The following TMEM184B variants were observed in gnomAD, a reference collection of about 807,000 sequenced individuals.
TMEM184B encodes transmembrane protein 184B, also known as putative MAPK-activating protein FM08.
A neutral mutation model predicts 41.8 loss-of-function variants in TMEM184B; 17 were observed. The ratio of observed to expected loss-of-function variants is 0.41; its 90% confidence interval spans 0.28 to 0.61. TMEM184B has a LOEUF of 0.61. Ranked by LOEUF, TMEM184B falls within the 20% of genes least tolerant of loss-of-function variation. The pLI, the probability that TMEM184B is intolerant of heterozygous loss-of-function variation, is 0.34. For missense variants in TMEM184B, 393 were observed against 557.8 expected, an observed-to-expected ratio of 0.70 and a Z score of 2.98; for synonymous variants, 240 against 229.5, an observed-to-expected ratio of 1.05 and a Z score of -0.41.
At position 38,221,144 on chromosome 22, in the gene TMEM184B, A is replaced by G; in HGVS notation, c.*325T>C. The G allele has an allele frequency of 3.4e-6, 4 of 1,174,570 alleles. No individual in the cohort carries two copies. The African/African-American group carries it at 6.4e-5, about 19-fold the overall frequency. 72.8% of individuals were successfully genotyped at this position (1,174,570 alleles called of 1,614,324 possible). ...TAGAAGGCTGCAGCCGCTGGTCCAC[A>G]CACAAGCATTGGGGCCTGGGTGCGG... On this transcript the variant is annotated 3_prime_UTR_variant, in exon 9 of 9. Coordinates refer to ENST00000361906, the MANE Select transcript of TMEM184B (RefSeq NM_012264.5).
chr22:38,222,825 A>AC (rs2091299609), intron 8 of TMEM184B: 2 of 566,678 alleles, frequency 3.5e-6, no homozygotes, highest in Non-Finnish European at 4.5e-6. Flanking sequence ...CCCAGGCCCC[A>AC]CAGGGCACCC....
At position 38,221,457 on chromosome 22, in the gene TMEM184B, T is replaced by C; in HGVS notation, c.*12A>G. 2 of 1,589,082 alleles carry C rather than the reference T, an allele frequency of 1.3e-6. No homozygotes were observed. The highest frequency in any genetic ancestry group is 1.7e-6 in the Non-Finnish European group (2 of 1,166,362). ...GCTATGGCGCCAGCACTTCCGCCAC[T>C]GCAGCCCGCACCTAGAATTCATCAT... is the stretch of plus-strand genomic sequence containing the variant. On this transcript the variant is annotated 3_prime_UTR_variant, in exon 9 of 9. Transcript: ENST00000361906.
Position 38,221,313 on chromosome 22 carries a change from G to GT in TMEM184B, c.*155dup. ...CCATGGGCGAGCCTGGCTGTCCCCC[G>GT]TTCCTCTGGAAGTGACATGTGAGTG... On this transcript the variant is annotated 3_prime_UTR_variant, in exon 9 of 9. Transcript: ENST00000361906. 3.5e-6 allele frequency: 5 copies of GT among 1,436,466 alleles called. No homozygotes were observed. Among genetic ancestry groups the GT allele is most frequent in the Non-Finnish European group, 4.5e-6 (5 of 1,100,076 alleles). 89.0% of individuals were successfully genotyped at this position (1,436,466 alleles called of 1,614,324 possible).
chr22:38,259,129 T>C (rs2092330267), intron 1 of TMEM184B, among the ~76,000 whole-genome samples: 1 of 152,192 alleles, frequency 6.6e-6, no homozygotes, highest in South Asian at 2.1e-4. Flanking sequence ...TACGCAGCTA[T>C]GTCGTCACTG....
chr22:38,252,330 G>T (rs1213302430), intron 1 of TMEM184B, among the ~76,000 whole-genome samples: 1 of 152,136 alleles, frequency 6.6e-6, no homozygotes, highest in Non-Finnish European at 1.5e-5. Context: ...CAAAGTGCTG[G>T]GATTACAGGC....
In TMEM184B at chr22:38,234,612, G is replaced by A. The variant is rs774341575; in HGVS notation, c.359-3278C>T. ...AAACCATGACTGAAGCTCCTGGGAC[G>A]TGCTGTGATCACTCACGCCTGCATG... On this transcript the variant is annotated intron_variant, in intron 3 of 8. Transcript: ENST00000361906. Among the ~76,000 whole-genome samples, 23 of 148,934 alleles carry A rather than the reference G, an allele frequency of 1.5e-4. No individual in the cohort carries two copies. The Middle Eastern group carries it at 0.01, about 66-fold the overall frequency.
At chr22:38,224,692 G>A (rs547224907) in intron 8 of TMEM184B, 93 bp downstream of exon 8, 108 of 1,316,452 alleles carry the variant, frequency 8.2e-5, no homozygotes, top group African/African-American at 7.9e-4. Context: ...TGACCCAGCC[G>A]CACCTGTAGG....
At chr22:38,227,728 C>T (rs76209490) in intron 5 of TMEM184B, among the ~76,000 whole-genome samples, 3,924 of 152,224 alleles carry the variant, frequency 0.026, 191 homozygotes, top group African/African-American at 0.09. Context: ...CTCCCCACAC[C>T]ACAGGGCCAC....
chr22:38,266,541 T>A (rs984424995), intron 1 of TMEM184B, among the ~76,000 whole-genome samples: 3 of 152,262 alleles, frequency 2.0e-5, no homozygotes, highest in Non-Finnish European at 4.4e-5. Context: ...ACCTCATCTT[T>A]CCTGCAGAGA....
At chr22:38,243,478 G>A (rs746848912) in intron 3 of TMEM184B, among the ~76,000 whole-genome samples, 86 of 152,198 alleles carry the variant, frequency 5.7e-4, no homozygotes, top group Non-Finnish European at 4.1e-4. Context: ...GTGGGCAGAG[G>A]CTGCCCCTGG....
chr22:38,240,269 C>A (rs1225521960), intron 3 of TMEM184B, among the ~76,000 whole-genome samples: 2 of 151,892 alleles, frequency 1.3e-5, no homozygotes, highest in African/African-American at 4.8e-5. Flanking sequence ...AAAAACAATA[C>A]TCTCTCACGT....
intron 3 of TMEM184B, among the ~76,000 whole-genome samples, chr22:38,244,768 CT>C (rs1407549156): frequency 1.3e-5 from 2 of 152,176 alleles, no homozygotes; most frequent in African/African-American, 4.8e-5. Flanking sequence ...ATGCAGGGGT[CT>C]TGAGGAACCC....
chr22:38,236,228 A>C (rs2145628749), intron 3 of TMEM184B, among the ~76,000 whole-genome samples: 1 of 151,400 alleles, frequency 6.6e-6, no homozygotes, highest in South Asian at 2.1e-4. Flanking sequence ...TCCGCTCCCC[A>C]CCCCCATGCC....
chr22:38,246,179 C>A, intron 2 of TMEM184B, 79 bp from the exon 3 acceptor site: 1 of 1,531,870 alleles, frequency 6.5e-7, no homozygotes, highest in Non-Finnish European at 8.8e-7. Flanking sequence ...CCAGCTCTGC[C>A]ACCGACTCAT....
chr22:38,268,850 G>A (rs1454639845), intron 1 of TMEM184B, among the ~76,000 whole-genome samples: 1 of 152,256 alleles, frequency 6.6e-6, no homozygotes, highest in Non-Finnish European at 1.5e-5. Flanking sequence ...CGGCTCCTGA[G>A]GGCGGCTCCC....
intron 8 of TMEM184B, chr22:38,221,924 A>C: frequency 1.5e-6 from 1 of 682,458 alleles, no homozygotes; most frequent in Non-Finnish European, 2.4e-6. Context: ...GGGAGGCTGG[A>C]CTGTGAAGAG....
At chr22:38,268,561 T>C (rs2092476903) in intron 1 of TMEM184B, among the ~76,000 whole-genome samples, 1 of 152,142 alleles carries the variant, frequency 6.6e-6, no homozygotes, top group African/African-American at 2.4e-5. Context: ...TTCCCGTTTC[T>C]GTCCTCTCTG....
chr22:38,221,960 G>A (rs1454133188), intron 8 of TMEM184B: 3 of 565,780 alleles, frequency 5.3e-6, no homozygotes, highest in Non-Finnish European at 9.3e-6. Context: ...CCCACTGGGA[G>A]CTGGGCTGGC....
chr22:38,242,072 G>A (rs564068020), intron 3 of TMEM184B, among the ~76,000 whole-genome samples: 3 of 152,154 alleles, frequency 2.0e-5, no homozygotes, highest in Non-Finnish European at 4.4e-5. Context: ...GAACTTCAGA[G>A]TGAGGAGTTA....
Sources: allele counts gnomAD v4.1 joint callset (sites outside exome capture counted in the v4.1 genomes callset), GRCh38; gene constraint gnomAD v4.1.1; transcripts MANE v1.5; gene names NCBI Gene and HGNC (gene_info 2026-07-23, HGNC 2026-07-21).